Variants in MAP4K3 observed in about 807,000 individuals in gnomAD.
MAP4K3 encodes MAPK/ERK kinase kinase kinase 3.
In MAP4K3, 94 loss-of-function variants were observed where a neutral mutation model predicts 143.5. The observed-to-expected ratio is 0.65, with a 90% CI of 0.55 to 0.78. The LOEUF (loss-of-function observed/expected upper bound fraction) is 0.78, where lower values mean the gene tolerates loss of function less well. Ranked by LOEUF, MAP4K3 falls within the 30% of genes least tolerant of loss-of-function variation. MAP4K3 has a pLI of 0.00. For synonymous variants in MAP4K3, 416 were observed against 347.2 expected (o/e 1.20, Z -2.20); for missense variants, 1,077 against 1,068.1 (o/e 1.01, Z -0.12).
rs756001733 is a variant in MAP4K3 at position 39,306,318 on chromosome 2, G to A, written c.1119+1625C>T. On this transcript the variant is annotated intron_variant, in intron 15 of 33. Transcript: ENST00000263881. ...AAACATTTTCAATCCAGCAAGCACC[G>A]ACTGTGTTTTCTTCAGACATTCTAT... Among the ~76,000 whole-genome samples, 12 of 152,292 alleles carry A rather than the reference G, an allele frequency of 7.9e-5. No homozygotes were observed. The South Asian group carries it at 1.7e-3, about 21-fold the overall frequency.
intron 28 of MAP4K3, among the ~76,000 whole-genome samples, chr2:39,264,050 AAAT>A (rs1680674438): frequency 6.6e-6 from 1 of 152,252 alleles, no homozygotes; most frequent in Non-Finnish European, 1.5e-5. Flanking sequence ...TTAGGAATGA[AAAT>A]AATAGGAGGG....
intron 12 of MAP4K3, among the ~76,000 whole-genome samples, chr2:39,321,726 A>G (rs542539658): frequency 1.3e-5 from 2 of 152,378 alleles, no homozygotes; most frequent in East Asian, 3.9e-4. Flanking sequence ...CTACTGAGAT[A>G]GGGAAAAACC....
intron 12 of MAP4K3, 77 bp downstream of exon 12, chr2:39,325,441 G>T: frequency 1.1e-6 from 1 of 903,496 alleles, no homozygotes; most frequent in Non-Finnish European, 1.6e-6. Flanking sequence ...AATGGATTTT[G>T]AGACGTACAT....
chr2:39,416,358 G>T (rs1291429147), intron 1 of MAP4K3, among the ~76,000 whole-genome samples: 2 of 152,064 alleles, frequency 1.3e-5, no homozygotes, highest in Non-Finnish European at 2.9e-5. Context: ...TTGATCGGCA[G>T]CCAATAAAAC....
chr2:39,367,039 AG>A (rs1665942369), intron 2 of MAP4K3, among the ~76,000 whole-genome samples: 1 of 152,228 alleles, frequency 6.6e-6, no homozygotes, highest in Admixed American at 6.5e-5. Flanking sequence ...TATTTTTTTC[AG>A]AAATGAGAAT....
chr2:39,413,411 C>T (rs1667283247), intron 1 of MAP4K3, among the ~76,000 whole-genome samples: 2 of 152,058 alleles, frequency 1.3e-5, no homozygotes, highest in South Asian at 2.1e-4. Context: ...AGGCAGAAGT[C>T]TGGAAATGCC....
chr2:39,293,447 A>C (rs1682139546), intron 16 of MAP4K3, among the ~76,000 whole-genome samples, 179 bp from the exon 17 acceptor site: 1 of 152,192 alleles, frequency 6.6e-6, no homozygotes, highest in Non-Finnish European at 1.5e-5. Context: ...ATATTTAATA[A>C]AATACCTCTA....
intron 1 of MAP4K3, among the ~76,000 whole-genome samples, chr2:39,434,130 T>A (rs1665380048): frequency 6.6e-6 from 1 of 152,230 alleles, no homozygotes. Context: ...ATGACTATAA[T>A]CGGATCTCTT....
intron 12 of MAP4K3, among the ~76,000 whole-genome samples, chr2:39,324,252 C>T (rs1000730577): frequency 6.6e-6 from 1 of 151,890 alleles, no homozygotes; most frequent in Non-Finnish European, 1.5e-5. Context: ...ACTAAAAATA[C>T]AAAAATTAGC....
chr2:39,403,481 G>C (rs1667008578), intron 1 of MAP4K3, among the ~76,000 whole-genome samples: 1 of 152,162 alleles, frequency 6.6e-6, no homozygotes, highest in African/African-American at 2.4e-5. Flanking sequence ...GGAAAGCACA[G>C]TGATTGTGAG....
rs1289236845 is a variant in MAP4K3 at position 39,343,381 on chromosome 2, G to C, written c.310+7C>G. 2 of 1,607,094 alleles carry C rather than the reference G, an allele frequency of 1.2e-6. No individual in the cohort carries two copies. The highest frequency in any genetic ancestry group is 1.7e-6 in the Non-Finnish European group (2 of 1,174,802). On this transcript the variant is annotated splice_region_variant and intron_variant, in intron 4 of 33. Coordinates refer to ENST00000263881, the MANE Select transcript of MAP4K3 (RefSeq NM_003618.4). ...TAACCCCTATAAAAATACAACTTTG[G>C]TCTTACCGTGATAAATATCCTGTAA...
intron 1 of MAP4K3, among the ~76,000 whole-genome samples, chr2:39,398,754 A>AT (rs1666877603): frequency 1.3e-5 from 2 of 148,900 alleles, no homozygotes; most frequent in African/African-American, 2.4e-5. Flanking sequence ...AATGATGATG[A>AT]TAATAATTGG....
At chr2:39,350,311 G>C (rs1038961928) in intron 3 of MAP4K3, among the ~76,000 whole-genome samples, 1 of 152,174 alleles carries the variant, frequency 6.6e-6, no homozygotes, top group Non-Finnish European at 1.5e-5. Flanking sequence ...TTAGCTAATA[G>C]TATCGCACCA....
chr2:39,257,369 A>G (rs1680382694), intron 31 of MAP4K3, among the ~76,000 whole-genome samples: 1 of 152,208 alleles, frequency 6.6e-6, no homozygotes, highest in Admixed American at 6.5e-5. Flanking sequence ...ACTTCCATAT[A>G]CTTAAAATTC....
chr2:39,332,910 A>T (rs1302478004), intron 7 of MAP4K3, among the ~76,000 whole-genome samples: 1 of 152,060 alleles, frequency 6.6e-6, no homozygotes, highest in African/African-American at 2.4e-5. Flanking sequence ...GTTTAAAATA[A>T]CTGTTTTCTA....
At chr2:39,285,173 T>C (rs1452125269) in intron 21 of MAP4K3, among the ~76,000 whole-genome samples, 1 of 152,198 alleles carries the variant, frequency 6.6e-6, no homozygotes, top group Admixed American at 6.5e-5. Flanking sequence ...ATTACAGATG[T>C]GACGGCTGTA....
intron 15 of MAP4K3, among the ~76,000 whole-genome samples, chr2:39,303,376 A>C (rs543893546): frequency 2.3e-4 from 35 of 152,344 alleles, no homozygotes; most frequent in African/African-American, 7.9e-4. Context: ...GTTTCTGACT[A>C]ATAAAAGCAG....
At chr2:39,393,600 G>A (rs1480341426) in intron 1 of MAP4K3, among the ~76,000 whole-genome samples, 1 of 152,066 alleles carries the variant, frequency 6.6e-6, no homozygotes, top group Non-Finnish European at 1.5e-5. Flanking sequence ...TTTAGTATAT[G>A]TGCTCCCAAA....
intron 6 of MAP4K3, among the ~76,000 whole-genome samples, chr2:39,336,471 CAAAAAAAAAAAAAAAAAAAA>C (rs55780656): frequency 3.4e-4 from 13 of 38,668 alleles, no homozygotes; most frequent in African/African-American, 4.4e-4. Flanking sequence ...GACTCCATCT[CAAAAAAAAAAAAAAAAAAAA>C]AAAAAAAAAA....
Sources: allele counts gnomAD v4.1 joint callset (sites outside exome capture counted in the v4.1 genomes callset), GRCh38; gene constraint gnomAD v4.1.1; transcripts MANE v1.5; gene names NCBI Gene and HGNC (gene_info 2026-07-23, HGNC 2026-07-21).